DENND2A: variants seen among roughly 807,000 people sequenced by gnomAD.
DENND2A encodes the protein DENN domain-containing protein 2A.
A neutral mutation model predicts 105.3 loss-of-function variants in DENND2A; 53 were observed. The ratio of observed to expected loss-of-function variants is 0.50; its 90% confidence interval spans 0.40 to 0.63. The LOEUF is 0.63. DENND2A is among the 30% of genes least tolerant of loss of function. The pLI is 0.00. For synonymous variants in DENND2A, 522 were observed against 508.4 expected, an observed-to-expected ratio of 1.03 and a Z score of -0.36; for missense variants, 1,138 against 1,279.6, an observed-to-expected ratio of 0.89 and a Z score of 1.69.
At chr7:140,629,858 CTTT>C (rs551954045) in intron 1 of DENND2A, among the ~76,000 whole-genome samples, 5 of 138,276 alleles carry the variant, frequency 3.6e-5, no homozygotes, top group Admixed American at 7.4e-5. Context: ...CTTTCTCTCT[CTTT>C]TTTTTTTTTT....
intron 5 of DENND2A, among the ~76,000 whole-genome samples, chr7:140,575,301 A>G (rs1447342857): frequency 1.3e-5 from 2 of 152,196 alleles, no homozygotes; most frequent in South Asian, 2.1e-4. Context: ...CTCAGAGATA[A>G]GAAAATTTGA....
At chr7:140,625,364 G>A (rs745786206) in intron 1 of DENND2A, among the ~76,000 whole-genome samples, 10 of 150,210 alleles carry the variant, frequency 6.7e-5, no homozygotes, top group Non-Finnish European at 1.0e-4. Flanking sequence ...GCGACAGAAC[G>A]ATACTCCGTT....
chr7:140,541,340 G>A (rs899041433), intron 14 of DENND2A, among the ~76,000 whole-genome samples: 1 of 152,046 alleles, frequency 6.6e-6, no homozygotes, highest in African/African-American at 2.4e-5. Context: ...GCCCTTCCCA[G>A]ACATCTTCTC....
intron 3 of DENND2A, among the ~76,000 whole-genome samples, chr7:140,600,194 CA>C (rs1195608986): frequency 6.6e-6 from 1 of 151,484 alleles, no homozygotes; most frequent in Non-Finnish European, 1.5e-5. Flanking sequence ...TGGGTTTGGA[CA>C]CGTTAAGTAT....
intron 1 of DENND2A, among the ~76,000 whole-genome samples, chr7:140,638,984 C>G (rs189993840): frequency 6.6e-6 from 1 of 152,320 alleles, no homozygotes; most frequent in African/African-American, 2.4e-5. Context: ...GTCTAGCACG[C>G]ATGCCTAGCA....
intron 1 of DENND2A, among the ~76,000 whole-genome samples, chr7:140,633,767 C>T (rs1041568946): frequency 2.6e-5 from 4 of 151,972 alleles, no homozygotes; most frequent in South Asian, 2.1e-4. Flanking sequence ...TGGGACAACA[C>T]GGAAGACAAT....
chr7:140,519,852 CAGG>C (rs1795789962), intron 18 of DENND2A, 134 bp from the exon 19 acceptor site: 1 of 766,658 alleles, frequency 1.3e-6, no homozygotes, highest in Admixed American at 2.5e-5. Context: ...TGCTCTGAAT[CAGG>C]AGGTTTTATA....
intron 11 of DENND2A, among the ~76,000 whole-genome samples, chr7:140,557,881 G>A (rs537948754): frequency 6.6e-5 from 10 of 151,906 alleles, no homozygotes; most frequent in East Asian, 3.9e-4. Flanking sequence ...TTTGTTGCCC[G>A]GGCTGGTCTC....
At chr7:140,526,400 G>C (rs114264595) in intron 15 of DENND2A, among the ~76,000 whole-genome samples, 1 of 152,186 alleles carries the variant, frequency 6.6e-6, no homozygotes, top group Non-Finnish European at 1.5e-5. Context: ...TCCTGAGAGC[G>C]CGACCCTCAC....
intron 1 of DENND2A, among the ~76,000 whole-genome samples, chr7:140,626,553 G>A (rs981021523): frequency 2.0e-5 from 3 of 152,160 alleles, no homozygotes; most frequent in South Asian, 2.1e-4. Flanking sequence ...GGTCACGTTC[G>A]TTTGCTTGCT....
Position 140,547,595 on chromosome 7 carries a change from T to C in DENND2A, c.2038-656A>G, listed in dbSNP as rs990739280. On this transcript the variant is annotated intron_variant, in intron 12 of 19. Coordinates refer to ENST00000496613, the MANE Select transcript of DENND2A (RefSeq NM_015689.5). ...TGGTAGTTCCTCAAAAGGTTAAACA[T>C]AGAGTTACCATATGACCCAGCACAT... Among the ~76,000 whole-genome samples, 8 of 152,160 alleles carry C rather than the reference T, an allele frequency of 5.3e-5. No individual in the cohort carries two copies. In the East Asian group the frequency reaches 5.8e-4, roughly 11 times the overall value.
intron 1 of DENND2A, among the ~76,000 whole-genome samples, chr7:140,609,403 C>T (rs971402234): frequency 1.9e-4 from 29 of 152,104 alleles, no homozygotes; most frequent in African/African-American, 7.0e-4. Context: ...ATCCCAGCTA[C>T]TCGGGAGGCT....
rs567114843 is a variant in DENND2A, at chr7:140,603,985, A to G, written c.-145-1443T>C. ...AAGATATTAGAAATTATTTTGAAGG[A>G]AAAACATTTTTAAATTAGTCTAACA... On this transcript the variant is annotated intron_variant, in intron 2 of 19. Coordinates refer to ENST00000496613, the MANE Select transcript of DENND2A (RefSeq NM_015689.5). Among the ~76,000 whole-genome samples, 124 of 152,364 alleles carry G rather than the reference A, an allele frequency of 8.1e-4. 4 individuals carry two copies. In the South Asian group the frequency reaches 0.023, roughly 28 times the overall value.
intron 14 of DENND2A, among the ~76,000 whole-genome samples, chr7:140,536,596 T>G (rs1459693801): frequency 2.0e-5 from 3 of 152,182 alleles, no homozygotes. Context: ...TGGTATCTTG[T>G]TGGTGTTCAT....
intron 5 of DENND2A, among the ~76,000 whole-genome samples, chr7:140,580,294 T>C (rs749958183): frequency 6.1e-4 from 92 of 150,074 alleles, no homozygotes; most frequent in Non-Finnish European, 1.2e-3. Context: ...GAAAGGCATG[T>C]ATGTATGCAT....
chr7:140,618,596 C>T (rs1043990059), intron 1 of DENND2A, among the ~76,000 whole-genome samples: 2 of 152,120 alleles, frequency 1.3e-5, no homozygotes, highest in Non-Finnish European at 2.9e-5. Context: ...ACAATATTCC[C>T]GTGGTCTCAT....
chr7:140,554,919 T>C (rs1223657354), intron 12 of DENND2A, among the ~76,000 whole-genome samples: 1 of 152,218 alleles, frequency 6.6e-6, no homozygotes, highest in Non-Finnish European at 1.5e-5. Context: ...CTGTTATATA[T>C]ACATGACACA....
At chr7:140,593,223 G>A (rs1415355209) in intron 3 of DENND2A, among the ~76,000 whole-genome samples, 1 of 152,118 alleles carries the variant, frequency 6.6e-6, no homozygotes, top group Non-Finnish European at 1.5e-5. Context: ...GTAAACATGC[G>A]AGTCACATTG....
At chr7:140,586,160 G>A (rs574498330) in intron 4 of DENND2A, among the ~76,000 whole-genome samples, 4 of 152,064 alleles carry the variant, frequency 2.6e-5, no homozygotes, top group African/African-American at 9.7e-5. Flanking sequence ...CCAGGAAGCT[G>A]GTGGCAGCCA....
Sources: allele counts gnomAD v4.1 joint callset (sites outside exome capture counted in the v4.1 genomes callset), GRCh38; gene constraint gnomAD v4.1.1; transcripts MANE v1.5; gene names NCBI Gene and HGNC (gene_info 2026-07-23, HGNC 2026-07-21).